The following COL4A5 variants were observed in gnomAD, a reference collection of about 807,000 sequenced individuals.
The protein encoded by COL4A5 is collagen type IV alpha 5 chain.
A neutral mutation model predicts 130.2 loss-of-function variants in COL4A5; 26 were observed. The ratio of observed to expected loss-of-function variants is 0.20; its 90% CI spans 0.15 to 0.28. COL4A5 has a LOEUF of 0.28. COL4A5 is among the 10% of genes least tolerant of loss of function. COL4A5 has a pLI of 1.00. For missense variants in COL4A5, 1,131 were observed against 1,344.3 expected (o/e 0.84, Z 2.48); for synonymous variants, 496 against 439.6 (o/e 1.13, Z -1.60).
At chrX:108,511,528 C>A (rs994220320) in intron 1 of COL4A5, among the ~76,000 whole-genome samples, 2 of 111,229 alleles carry the variant, frequency 1.8e-5, no homozygotes, top group African/African-American at 6.5e-5. Flanking sequence ...TGAAAAAGAA[C>A]AAAGTTGGAA....
At chrX:108,461,555 T>C (rs754046625) in intron 1 of COL4A5, among the ~76,000 whole-genome samples, 1 of 112,136 alleles carries the variant, frequency 8.9e-6, no homozygotes, top group Non-Finnish European at 1.9e-5. Context: ...ACATGTCTAC[T>C]TCTTCATCTG....
chrX:108,536,961 T>C (rs1388692092), intron 1 of COL4A5, among the ~76,000 whole-genome samples: 2 of 111,393 alleles, frequency 1.8e-5, no homozygotes, highest in Non-Finnish European at 3.8e-5. Flanking sequence ...TTTTCATATG[T>C]CCTGAAAATA....
chrX:108,469,155 TTC>T (rs1332697810), intron 1 of COL4A5, among the ~76,000 whole-genome samples: 2 of 87,973 alleles, frequency 2.3e-5, no homozygotes, highest in African/African-American at 3.8e-5. Flanking sequence ...TCATAGTATT[TTC>T]TCTCTCTCTC....
In COL4A5 at chrX:108,520,892, A is replaced by G. The variant is rs528991276; in HGVS notation, c.82-18854A>G. The stretch of plus-strand genomic sequence containing the variant: ...AAGACGATATAATGAACACCATTGT[A>G]TATTCATCTAGATTCAACACTTGTT... On this transcript the variant is annotated intron_variant, in intron 1 of 52. Transcript: ENST00000328300. Among the ~76,000 whole-genome samples the G allele has an allele frequency of 3.6e-5, 4 of 111,882 alleles. 1 individual carries two copies. The South Asian group carries it at 1.5e-3, about 42-fold the overall frequency.
chrX:108,626,109 C>T (rs756913560), intron 35 of COL4A5, 101 bp from the exon 36 acceptor site: 13 of 805,034 alleles, frequency 1.6e-5, no homozygotes, highest in East Asian at 6.8e-5. Context: ...TCAGAGTTTG[C>T]GGAGCTTTTT....
chrX:108,447,218 A>G (rs1206819191), intron 1 of COL4A5, among the ~76,000 whole-genome samples: 1 of 111,182 alleles, frequency 9.0e-6, no homozygotes, highest in Non-Finnish European at 1.9e-5. Flanking sequence ...CCTAGCTTTC[A>G]TCTCTCCCTT....
At chrX:108,683,113 G>A (rs1045620212) in intron 47 of COL4A5, among the ~76,000 whole-genome samples, 3 of 111,724 alleles carry the variant, frequency 2.7e-5, no homozygotes, top group African/African-American at 9.8e-5. Flanking sequence ...TTCCATGTAT[G>A]GCTAGCCAGT....
At chrX:108,693,659 T>C (rs1043186937) in intron 50 of COL4A5, 1 of 111,748 alleles carries the variant, frequency 8.9e-6, no homozygotes, top group Non-Finnish European at 1.9e-5. Context: ...GCTATAGCCC[T>C]GATGTGAGTA....
At position 108,622,606 on chromosome X, in the gene COL4A5, T is replaced by C. The variant is rs2067078085; in HGVS notation, c.2768-70T>C. On this transcript the variant is annotated intron_variant, in intron 32 of 52. Transcript: ENST00000328300. ...CCTACTCAACTATGAAACATATCAA[T>C]AATCTTTATATGCATTAATCTTTGA... is the stretch of plus-strand genomic sequence containing the variant. 111 of 1,111,497 alleles carry C rather than the reference T, an allele frequency of 1.0e-4. No individual in the cohort carries two copies. The South Asian group carries it at 2.0e-3, about 20-fold the overall frequency. 91.6% of individuals were successfully genotyped at this position (1,111,497 alleles called of 1,213,427 possible). A position where few individuals can be genotyped will look rare whatever the true frequency, so the allele number is the denominator to read the frequency against.
chrX:108,519,420 T>C (rs2065247378), intron 1 of COL4A5, among the ~76,000 whole-genome samples: 1 of 110,993 alleles, frequency 9.0e-6, no homozygotes, highest in Non-Finnish European at 1.9e-5. Context: ...CCTCATCCCT[T>C]TTGACTCCTA....
intron 11 of COL4A5, 38 bp downstream of exon 11, chrX:108,578,025 G>T (rs1442155364): frequency 8.3e-7 from 1 of 1,200,079 alleles, no homozygotes; most frequent in Non-Finnish European, 1.1e-6. Flanking sequence ...ATTTGGTGTG[G>T]ATTCCTTTTC....
chrX:108,598,572 A>G (rs2066564152), intron 24 of COL4A5, 130 bp from the exon 25 acceptor site: 1 of 613,688 alleles, frequency 1.6e-6, no homozygotes. Context: ...CCATCTCATA[A>G]TACCACTCAC....
rs778768011 is a variant in COL4A5, at chrX:108,663,738, TAAAATA to T, written c.3374-1764_3374-1759del. ...CATCCTGCATACGTACCCCAGAACT[TAAAATA>T]AAAAAAAAAAAGATGCCAGTTGCCT... On this transcript the variant is annotated intron_variant, in intron 37 of 52. Coordinates refer to ENST00000328300, the MANE Select transcript of COL4A5 (RefSeq NM_033380.3). Among the ~76,000 whole-genome samples, 771 of 103,388 alleles carry T rather than the reference TAAAATA, an allele frequency of 7.5e-3. 3 individuals carry two copies. The highest frequency in any genetic ancestry group is 0.038 in the East Asian group (126 of 3,298). 89.8% of individuals were successfully genotyped at this position (103,388 alleles called of 115,157 possible). A position where few individuals can be genotyped will look rare whatever the true frequency, so the allele number is the denominator to read the frequency against.
chrX:108,526,595 C>CCTTTCTTTCTTT (rs1166494631), intron 1 of COL4A5, among the ~76,000 whole-genome samples: 23 of 33,286 alleles, frequency 6.9e-4, no homozygotes, highest in Non-Finnish European at 1.1e-3. Flanking sequence ...CTCCCTCCCT[C>CCTTTCTTTCTTT]CTTTCTTTCT....
chrX:108,626,261 C>T lies in COL4A5; in HGVS notation c.3158C>T (p.Pro1053Leu). The change falls in exon 36 of 53, where the codon CCT becomes CTT. Residue 1053 changes from proline (P) to leucine (L), a missense_variant. Transcript: ENST00000328300. ...GGACCTTCTGGAGTTCCTGGACAAC[C>T]TGGCTCCCCAGGATTACCTGGACAG... is the stretch of plus-strand genomic sequence containing the variant. ...PPGPSGVPGQ[P>L]GSPGLPGQKG... The T allele has an allele frequency of 8.3e-7, 1 of 1,210,692 alleles. No individual in the cohort carries two copies. The highest frequency in any genetic ancestry group is 1.1e-6 in the Non-Finnish European group (1 of 894,788).
intron 34 of COL4A5, among the ~76,000 whole-genome samples, chrX:108,625,162 A>C (rs1285580802): frequency 8.9e-6 from 1 of 112,615 alleles, no homozygotes; most frequent in African/African-American, 3.2e-5. Flanking sequence ...TCAAGCACCT[A>C]TGTGCTAGGA....
chrX:108,477,991 G>A (rs1308276267), intron 1 of COL4A5, among the ~76,000 whole-genome samples: 1 of 110,582 alleles, frequency 9.0e-6, no homozygotes, highest in Non-Finnish European at 1.9e-5. Flanking sequence ...TTTCCTGGTG[G>A]AGTGACCCAA....
At chrX:108,472,560 T>C (rs777323973) in intron 1 of COL4A5, among the ~76,000 whole-genome samples, 1 of 112,243 alleles carries the variant, frequency 8.9e-6, no homozygotes, top group South Asian at 3.7e-4. Flanking sequence ...ATTTACACTT[T>C]TCAATAAATA....
At position 108,488,532 on chromosome X, in the gene COL4A5, C is replaced by A. The variant is rs148061023; in HGVS notation, c.81+48326C>A. Among the ~76,000 whole-genome samples, 440 of 111,865 alleles carry A rather than the reference C, an allele frequency of 3.9e-3. 3 individuals carry two copies. Among genetic ancestry groups the A allele is most frequent in the African/African-American group, 0.014 (417 of 30,827 alleles). The stretch of plus-strand genomic sequence containing the variant: ...GAATGTCCTCTATAGAAGTTGTGCC[C>A]AATTTACACTCCTACCAGCAATGTA... On this transcript the variant is annotated intron_variant, in intron 1 of 52. Transcript: ENST00000328300.
Sources: gnomAD v4.1 joint callset for allele counts (sites outside exome capture counted in the v4.1 genomes callset) on GRCh38, gnomAD v4.1.1 for gene constraint, MANE v1.5 for transcripts, NCBI Gene and HGNC (gene_info 2026-07-23, HGNC 2026-07-21) for gene names.